Variants in SPOCK3 observed in about 807,000 individuals in gnomAD.
SPOCK3 encodes testican-3.
In SPOCK3, 30 loss-of-function variants were observed where a neutral mutation model predicts 56.6. The observed-to-expected ratio is 0.53, with a 90% CI of 0.40 to 0.72. SPOCK3 has a LOEUF of 0.72. Among genes scored for constraint, SPOCK3 ranks in the 30% least tolerant of loss-of-function variants. The pLI is 0.00. For synonymous variants in SPOCK3, 196 were observed against 183.3 expected, an observed-to-expected ratio of 1.07 and a Z score of -0.56; for missense variants, 527 against 530.0, an observed-to-expected ratio of 0.99 and a Z score of 0.06.
At position 167,155,371 on chromosome 4, in the gene SPOCK3, G is replaced by C. The variant is rs1764732598; in HGVS notation, c.189+78614C>G. 2.6e-5 allele frequency among the ~76,000 whole-genome samples: 4 copies of C among 151,804 alleles called. No homozygotes were observed. In the South Asian group the frequency reaches 8.3e-4, roughly 32 times the overall value. On this transcript the variant is annotated intron_variant, in intron 2 of 10. Coordinates refer to ENST00000357545, the MANE Select transcript of SPOCK3 (RefSeq NM_001040159.2). ...GACCTCAAGTGATCCACCCGCCTCG[G>C]CCTCCCAAAGAGCTGGGATTACAGG...
rs1279458496 is a variant in SPOCK3, at chr4:167,205,565, T to A, written c.189+28420A>T. Among the ~76,000 whole-genome samples, 4 of 84,214 alleles carry A rather than the reference T, an allele frequency of 4.7e-5. No individual in the cohort carries two copies. The South Asian group carries it at 8.6e-4, about 18-fold the overall frequency. 55.2% of individuals were successfully genotyped at this position (84,214 alleles called of 152,430 possible). On this transcript the variant is annotated intron_variant, in intron 2 of 10. Coordinates refer to ENST00000357545, the MANE Select transcript of SPOCK3 (RefSeq NM_001040159.2). ...TATATTATATAATATATAATATATA[T>A]TATATATATAATATAATATAAAATA...
chr4:167,194,762 T>C (rs2110874981), intron 2 of SPOCK3, among the ~76,000 whole-genome samples: 1 of 152,266 alleles, frequency 6.6e-6, no homozygotes, highest in South Asian at 2.1e-4. Context: ...CTGAGAAGAC[T>C]GGATTGTCTC....
At chr4:167,223,290 A>G (rs977015254) in intron 2 of SPOCK3, among the ~76,000 whole-genome samples, 2 of 143,390 alleles carry the variant, frequency 1.4e-5, no homozygotes, top group Admixed American at 1.4e-4. Context: ...ATGTATTTAT[A>G]TATTCATTTA....
At chr4:166,740,591 T>A (rs1220182713) in intron 9 of SPOCK3, among the ~76,000 whole-genome samples, 1 of 151,604 alleles carries the variant, frequency 6.6e-6, no homozygotes, top group Non-Finnish European at 1.5e-5. Flanking sequence ...GGTGGTGCCA[T>A]CTCGGCTCAC....
intron 2 of SPOCK3, among the ~76,000 whole-genome samples, chr4:167,072,754 A>G (rs1756802419): frequency 6.6e-6 from 1 of 151,868 alleles, no homozygotes; most frequent in African/African-American, 2.4e-5. Context: ...TTTTTAGAAA[A>G]AGTAATCACG....
At chr4:167,148,627 A>C (rs1455501906) in intron 2 of SPOCK3, among the ~76,000 whole-genome samples, 6 of 152,122 alleles carry the variant, frequency 3.9e-5, no homozygotes, top group Non-Finnish European at 5.9e-5. Context: ...GCTTCCTATA[A>C]ATATAACCGT....
intron 6 of SPOCK3, among the ~76,000 whole-genome samples, chr4:166,841,890 G>A (rs565880432): frequency 1.3e-5 from 2 of 152,280 alleles, no homozygotes; most frequent in Non-Finnish European, 1.5e-5. Flanking sequence ...GTGGACCCTT[G>A]CGATGAGTGT....
chr4:167,159,128 A>G (rs1006022550), intron 2 of SPOCK3, among the ~76,000 whole-genome samples: 1 of 152,024 alleles, frequency 6.6e-6, no homozygotes, highest in Non-Finnish European at 1.5e-5. Flanking sequence ...ATCTGAGGTA[A>G]GTTGTTTAAC....
intron 6 of SPOCK3, among the ~76,000 whole-genome samples, chr4:166,881,627 G>C (rs532863607): frequency 1.3e-5 from 2 of 151,910 alleles, no homozygotes; most frequent in African/African-American, 4.8e-5. Flanking sequence ...TCTTTATGAG[G>C]CTCTGTAAAT....
chr4:166,804,303 C>T (rs1319515262), intron 6 of SPOCK3, among the ~76,000 whole-genome samples: 1 of 152,112 alleles, frequency 6.6e-6, no homozygotes, highest in Admixed American at 6.6e-5. Context: ...CCTGTGGTGT[C>T]TGGCTTGCAG....
At position 166,841,085 on chromosome 4, in the gene SPOCK3, G is replaced by T; in HGVS notation, c.589+48045C>A. ...AAGCCCCCACGCCCGGCCCGCAGAA[G>T]TTTTTTTTTACTAATTTTAGAGTGA... On this transcript the variant is annotated intron_variant, in intron 6 of 10. Coordinates refer to ENST00000357545, the MANE Select transcript of SPOCK3 (RefSeq NM_001040159.2). 3.3e-5 allele frequency among the ~76,000 whole-genome samples: 5 copies of T among 151,544 alleles called. No individual in the cohort carries two copies. The South Asian group carries it at 1.0e-3, about 32-fold the overall frequency.
In SPOCK3 at chr4:166,988,093, T is replaced by G. The variant is rs1467051795; in HGVS notation, c.350+12256A>C. ...TTAAACATATTACACAAAGCAATAA[T>G]TGTTAGATCAAGGAATACAAACATA... is the stretch of plus-strand genomic sequence containing the variant. On this transcript the variant is annotated intron_variant, in intron 4 of 10. Coordinates refer to ENST00000357545, the MANE Select transcript of SPOCK3 (RefSeq NM_001040159.2). Among the ~76,000 whole-genome samples, 3 of 152,132 alleles carry G rather than the reference T, an allele frequency of 2.0e-5. No homozygotes were observed. The East Asian group carries it at 5.8e-4, about 29-fold the overall frequency.
intron 7 of SPOCK3, among the ~76,000 whole-genome samples, chr4:166,787,329 A>T (rs1330300316): frequency 6.6e-6 from 1 of 152,132 alleles, no homozygotes; most frequent in Non-Finnish European, 1.5e-5. Flanking sequence ...AAAACGTGTG[A>T]TTTGGCTCTC....
chr4:166,916,847 A>C (rs574198292), intron 4 of SPOCK3, among the ~76,000 whole-genome samples: 5 of 152,206 alleles, frequency 3.3e-5, no homozygotes, highest in Non-Finnish European at 7.3e-5. Flanking sequence ...ACAATTACTT[A>C]TATGAAGATG....
At chr4:167,156,143 A>G (rs1764801876) in intron 2 of SPOCK3, among the ~76,000 whole-genome samples, 1 of 152,198 alleles carries the variant, frequency 6.6e-6, no homozygotes, top group Non-Finnish European at 1.5e-5. Flanking sequence ...ATTTTACATT[A>G]TTTTTAACGC....
intron 4 of SPOCK3, among the ~76,000 whole-genome samples, chr4:166,927,616 A>G (rs1739265117): frequency 6.6e-6 from 1 of 152,202 alleles, no homozygotes; most frequent in African/African-American, 2.4e-5. Context: ...ATGCAAAACT[A>G]TGAGACACCT....
intron 2 of SPOCK3, among the ~76,000 whole-genome samples, chr4:167,176,798 A>G (rs896477794): frequency 1.3e-5 from 2 of 152,098 alleles, no homozygotes; most frequent in African/African-American, 4.8e-5. Flanking sequence ...TGTAGTAAGA[A>G]CTGCTCCATA....
At chr4:167,227,665 A>G (rs376262648) in intron 2 of SPOCK3, among the ~76,000 whole-genome samples, 31 of 152,240 alleles carry the variant, frequency 2.0e-4, no homozygotes, top group African/African-American at 7.0e-4. Flanking sequence ...ACATATAAAT[A>G]CTCCAGGAGC....
intron 3 of SPOCK3, among the ~76,000 whole-genome samples, chr4:167,022,796 G>C (rs1289432235): frequency 6.6e-6 from 1 of 151,932 alleles, no homozygotes; most frequent in Non-Finnish European, 1.5e-5. Context: ...TTGATATGCT[G>C]GCCAGCTGGT....
Sources: allele counts gnomAD v4.1 joint callset (sites outside exome capture counted in the v4.1 genomes callset), GRCh38; gene constraint gnomAD v4.1.1; transcripts MANE v1.5; gene names NCBI Gene and HGNC (gene_info 2026-07-23, HGNC 2026-07-21).